ZNF236: variants seen among roughly 807,000 people sequenced by gnomAD.
The protein encoded by ZNF236 is zinc finger protein 236.
In ZNF236, 50 loss-of-function variants were observed where a neutral mutation model predicts 191.2. That is an observed-to-expected ratio of 0.26 (90% confidence interval 0.21 to 0.33). The LOEUF (loss-of-function observed/expected upper bound fraction) is 0.33. ZNF236 is among the 10% of genes least tolerant of loss of function. ZNF236 has a pLI of 1.00. For missense variants in ZNF236, 1,754 were observed against 2,374.5 expected, an observed-to-expected ratio of 0.74 and a Z score of 5.43; for synonymous variants, 907 against 928.8, an observed-to-expected ratio of 0.98 and a Z score of 0.43.
Position 76,822,642 on chromosome 18 carries a change from G to C in ZNF236, c.35G>C (p.Ser12Thr), listed in dbSNP as rs921665311. 6.7e-6 allele frequency: 1 copy of C among 148,990 alleles called. No individual in the cohort carries two copies. Among genetic ancestry groups the C allele is most frequent in the South Asian group, 1.8e-4 (1 of 5,624 alleles). The allele number at this position is 148,990 out of a possible 1,614,324, so 9.2% of individuals were successfully genotyped here. The part of the protein sequence containing the change: ...PRGRPPKPRE[S>T]KARGDSDGVL... ...GGCCGCCCCCCGAAGCCCAGGGAGA[G>C]CAAGGCGCGCGGCGACTCCGGTAAG... Residue 12 changes from serine (S) to threonine (T), a missense_variant, in exon 1 of 31, where the codon AGC (serine) becomes ACC (threonine). Coordinates refer to ENST00000320610, the MANE Select transcript of ZNF236 (RefSeq NM_001306089.2).
Position 76,919,915 on chromosome 18 carries a change from G to A in ZNF236, c.3414G>A (p.Glu1138=), listed in dbSNP as rs1967486001. ...IRPQESATVS[E]KVLVQSAAEK... ...CGCAGGAGAGCGCCACGGTGTCAGA[G>A]AAGGTCCTGGTGCAGTCCGCGGCAG... Residue 1138 remains glutamate, a synonymous_variant, in exon 20 of 31, where the codon GAG becomes GAA. Transcript: ENST00000320610. The surrounding 1 kb of genome is among the most constrained non-coding windows in gnomAD (Gnocchi z 5.3). The A allele has an allele frequency of 6.2e-7, 1 of 1,614,088 alleles. No individual in the cohort carries two copies. Among genetic ancestry groups the A allele is most frequent in the African/African-American group, 1.3e-5 (1 of 74,946 alleles).
At chr18:76,899,776 A>ACT (rs1399981710) in intron 11 of ZNF236, among the ~76,000 whole-genome samples, 48 of 152,364 alleles carry the variant, frequency 3.2e-4, no homozygotes, top group African/African-American at 1.1e-3. Flanking sequence ...ATTTGTTAGT[A>ACT]CTAGAACAAA....
chr18:76,873,960 C>G (rs985772439), intron 5 of ZNF236, among the ~76,000 whole-genome samples: 2 of 151,270 alleles, frequency 1.3e-5, no homozygotes, highest in Non-Finnish European at 3.0e-5. Context: ...CCCGCCTGTC[C>G]TCCTCTCCTG....
In ZNF236 at chr18:76,928,026, G is replaced by A. The variant is rs750506407; in HGVS notation, c.4514G>A (p.Ser1505Asn). The change falls in exon 25 of 31, where the codon AGC becomes AAC. Residue 1505 changes from serine to asparagine, a missense_variant. By Grantham distance (46) the Ser-to-Asn change is conservative. Around this residue, in one of 5 missense-constraint regions of ZNF236, gnomAD observed 606 missense variants for 761.5 expected, o/e 0.80. Coordinates refer to ENST00000320610, the MANE Select transcript of ZNF236 (RefSeq NM_001306089.2). ...ITLTINNSSL[S>N]QVLAQAAGPT... is the part of the protein sequence containing the mutation. ...CTGACCATTAACAACTCCAGCCTGA[G>A]CCAGGTCCTGGCACAGGCCGCTGGG... 1.2e-6 allele frequency: 2 copies of A among 1,613,840 alleles called. No homozygotes were observed. The highest frequency in any genetic ancestry group is 1.7e-6 in the Non-Finnish European group (2 of 1,179,930).
At chr18:76,911,319 A>G (rs1163802476) in intron 16 of ZNF236, among the ~76,000 whole-genome samples, 2 of 145,358 alleles carry the variant, frequency 1.4e-5, no homozygotes, top group Non-Finnish European at 3.0e-5. Context: ...AAATTGACCA[A>G]TTGTTATCCC....
rs1968922421 is a variant in ZNF236 at position 76,972,532 on chromosome 18, A to G, written c.*4193A>G. Among the ~76,000 whole-genome samples the G allele has an allele frequency of 6.6e-6, 1 of 152,184 alleles. No homozygotes were observed. The highest frequency in any genetic ancestry group is 6.5e-5 in the Admixed American group (1 of 15,286). ...CAGTTCTTTATATGGATGACTAACA[A>G]CTAAGAAAAAATGAAGATTAGTATG... On this transcript the variant is annotated 3_prime_UTR_variant, in exon 31 of 31. Coordinates refer to ENST00000320610, the MANE Select transcript of ZNF236 (RefSeq NM_001306089.2).
intron 26 of ZNF236, among the ~76,000 whole-genome samples, chr18:76,939,318 G>A (rs1461527962): frequency 6.6e-6 from 1 of 152,156 alleles, no homozygotes; most frequent in Non-Finnish European, 1.5e-5. Flanking sequence ...GGGCAACAGA[G>A]TGAGAGTCCA....
chr18:76,926,994 C>G (rs372532080), intron 22 of ZNF236, 43 bp from the exon 23 acceptor site: 3 of 1,567,410 alleles, frequency 1.9e-6, no homozygotes, highest in Non-Finnish European at 2.6e-6. Flanking sequence ...TTTTAAGAAG[C>G]ATTCATAATA....
intron 16 of ZNF236, 40 bp from the exon 17 acceptor site, chr18:76,912,204 A>G: frequency 6.9e-7 from 1 of 1,446,512 alleles, no homozygotes; most frequent in Non-Finnish European, 9.7e-7. Context: ...TTATTCACAG[A>G]TATTCAAGTA....
chr18:76,826,660 A>G (rs2122366286), intron 1 of ZNF236, among the ~76,000 whole-genome samples: 1 of 151,200 alleles, frequency 6.6e-6, no homozygotes, highest in South Asian at 2.1e-4. Context: ...TTAGCCAGGC[A>G]TGGTGGCTGG....
intron 28 of ZNF236, among the ~76,000 whole-genome samples, chr18:76,958,174 G>T (rs1043127386): frequency 1.2e-4 from 18 of 152,194 alleles, no homozygotes; most frequent in Admixed American, 3.3e-4. Flanking sequence ...CGACAGGTGT[G>T]TTGCAGTAAG....
At chr18:76,822,771 G>A (rs898333386) in intron 1 of ZNF236, 109 bp downstream of exon 1, 16 of 145,224 alleles carry the variant, frequency 1.1e-4, no homozygotes, top group African/African-American at 3.2e-4. Context: ...CGGGGCGGGG[G>A]CGGGGGCCGC....
intron 19 of ZNF236, among the ~76,000 whole-genome samples, chr18:76,917,002 C>G (rs1009895759): frequency 6.6e-6 from 1 of 152,222 alleles, no homozygotes; most frequent in East Asian, 1.9e-4. Flanking sequence ...CTACCTTTCT[C>G]TGCTGTTTTG....
At chr18:76,933,412 G>A (rs1362481788) in intron 25 of ZNF236, among the ~76,000 whole-genome samples, 3 of 151,934 alleles carry the variant, frequency 2.0e-5, no homozygotes, top group Non-Finnish European at 2.9e-5. Flanking sequence ...GGAGGTTGCA[G>A]TGAGCCGAGA....
chr18:76,911,502 A>G (rs1000583191), intron 16 of ZNF236, among the ~76,000 whole-genome samples: 1 of 152,234 alleles, frequency 6.6e-6, no homozygotes, highest in Non-Finnish European at 1.5e-5. Flanking sequence ...AGCTCTCTAA[A>G]TAAAACTGTG....
intron 25 of ZNF236, 73 bp from the exon 26 acceptor site, chr18:76,937,083 C>G: frequency 3.6e-6 from 5 of 1,400,088 alleles, no homozygotes; most frequent in Non-Finnish European, 4.9e-6. Flanking sequence ...GTGGGAGCAT[C>G]GCTCTCCCTA....
At chr18:76,873,679 G>A (rs1411380898) in intron 5 of ZNF236, among the ~76,000 whole-genome samples, 1 of 152,182 alleles carries the variant, frequency 6.6e-6, no homozygotes, top group African/African-American at 2.4e-5. Context: ...CCCCAGCAGG[G>A]CTCCTGTCCA....
intron 27 of ZNF236, among the ~76,000 whole-genome samples, chr18:76,955,781 A>G (rs982060262): frequency 6.6e-6 from 1 of 152,198 alleles, no homozygotes; most frequent in African/African-American, 2.4e-5. Context: ...TGTGGTCTCA[A>G]TCTTGCAGGA....
intron 18 of ZNF236, among the ~76,000 whole-genome samples, chr18:76,915,240 A>G (rs1432486189): frequency 6.6e-6 from 1 of 152,200 alleles, no homozygotes; most frequent in Non-Finnish European, 1.5e-5. Flanking sequence ...AATCTACCTC[A>G]TGTGCTATGG....
Sources: allele counts gnomAD v4.1 joint callset (sites outside exome capture counted in the v4.1 genomes callset), GRCh38; gene constraint gnomAD v4.1.1; regional missense constraint gnomAD v4.1.1; non-coding constraint Gnocchi (gnomAD v3.1); transcripts MANE v1.5; gene names NCBI Gene and HGNC (gene_info 2026-07-23, HGNC 2026-07-21).